The following SGCZ variants were observed in gnomAD, a reference collection of about 807,000 sequenced individuals.
SGCZ encodes zeta-sarcoglycan.
Under a neutral mutation model 41.3 loss-of-function variants are expected in SGCZ, and 40 were observed. The ratio of observed to expected loss-of-function variants is 0.97; its 90% CI spans 0.75 to 1.26. The LOEUF (loss-of-function observed/expected upper bound fraction) is 1.26, where lower values mean the gene tolerates loss of function less well. Ranked by LOEUF, SGCZ falls within the 50% of genes most tolerant of loss-of-function variation. The pLI, the probability that SGCZ is intolerant of heterozygous loss-of-function variation, is 0.00. For missense variants in SGCZ, 552 were observed against 369.8 expected, an observed-to-expected ratio of 1.49 and a Z score of -4.04; for synonymous variants, 206 against 137.5, an observed-to-expected ratio of 1.50 and a Z score of -3.49.
At chr8:14,827,194 G>C (rs1175081786) in intron 1 of SGCZ, among the ~76,000 whole-genome samples, 1 of 149,828 alleles carries the variant, frequency 6.7e-6, no homozygotes, top group African/African-American at 2.4e-5. Flanking sequence ...AATGTGCCAA[G>C]GATTGTTAAG....
At chr8:14,705,869 G>A (rs1018964098) in intron 1 of SGCZ, among the ~76,000 whole-genome samples, 1 of 151,944 alleles carries the variant, frequency 6.6e-6, no homozygotes, top group Non-Finnish European at 1.5e-5. Flanking sequence ...TTCTGAACAC[G>A]AATCACTATA....
intron 3 of SGCZ, among the ~76,000 whole-genome samples, chr8:14,302,890 T>C (rs1199638904): frequency 6.6e-6 from 1 of 152,158 alleles, no homozygotes; most frequent in African/African-American, 2.4e-5. Context: ...CAGGAAGCAA[T>C]ATCTGAATTT....
In SGCZ at chr8:14,442,965, C is replaced by G. The variant is rs545231135; in HGVS notation, c.234+111767G>C. ...CTGATAAGCAACTTCAGCAAAGTCT[C>G]AGGATACAAAATCAATGTACAAAAA... On this transcript the variant is annotated intron_variant, in intron 2 of 7. Transcript: ENST00000382080. Among the ~76,000 whole-genome samples the G allele has an allele frequency of 1.4e-3, 208 of 152,266 alleles. 1 individual carries two copies. Among genetic ancestry groups the G allele is most frequent in the Middle Eastern group, 0.01 (3 of 294 alleles).
chr8:14,720,562 G>C (rs563160277), intron 1 of SGCZ, among the ~76,000 whole-genome samples: 4 of 152,124 alleles, frequency 2.6e-5, no homozygotes, highest in South Asian at 4.2e-4. Flanking sequence ...GGTCATCTGA[G>C]TTATTCTTAT....
intron 2 of SGCZ, among the ~76,000 whole-genome samples, chr8:14,343,151 G>T (rs549028547): frequency 6.6e-6 from 1 of 152,236 alleles, no homozygotes; most frequent in Non-Finnish European, 1.5e-5. Context: ...GAAGATGTAT[G>T]GAAACACTTG....
intron 1 of SGCZ, among the ~76,000 whole-genome samples, chr8:15,007,409 C>A (rs1802643949): frequency 6.6e-6 from 1 of 152,172 alleles, no homozygotes; most frequent in Non-Finnish European, 1.5e-5. Context: ...CATTGTAGTT[C>A]TCTAAAACTC....
intron 3 of SGCZ, among the ~76,000 whole-genome samples, chr8:14,245,105 C>T (rs1799038093): frequency 6.6e-6 from 1 of 152,140 alleles, no homozygotes; most frequent in Admixed American, 6.5e-5. Context: ...TGCCTAATTG[C>T]CCTGGCCAGA....
intron 1 of SGCZ, among the ~76,000 whole-genome samples, chr8:14,610,561 T>C (rs1805894843): frequency 6.6e-6 from 1 of 152,154 alleles, no homozygotes; most frequent in Admixed American, 6.5e-5. Flanking sequence ...ATGTATGTGC[T>C]TTTCTCCTAT....
intron 4 of SGCZ, among the ~76,000 whole-genome samples, chr8:14,167,990 A>G (rs1804259324): frequency 6.6e-6 from 1 of 152,192 alleles, no homozygotes; most frequent in African/African-American, 2.4e-5. Flanking sequence ...TCTTGGTACT[A>G]TTTAGCAGTA....
At chr8:14,826,382 C>T (rs540080085) in intron 1 of SGCZ, among the ~76,000 whole-genome samples, 108 of 152,100 alleles carry the variant, frequency 7.1e-4, no homozygotes, top group African/African-American at 2.2e-3. Flanking sequence ...TGAATAGTGC[C>T]GCAATAAACA....
At chr8:14,501,258 A>G (rs1293961931) in intron 2 of SGCZ, among the ~76,000 whole-genome samples, 1 of 151,748 alleles carries the variant, frequency 6.6e-6, no homozygotes, top group Non-Finnish European at 1.5e-5. Context: ...CATTGAGTCT[A>G]CCTGAATAAT....
intron 2 of SGCZ, among the ~76,000 whole-genome samples, chr8:14,370,388 A>T (rs1803868397): frequency 6.6e-6 from 1 of 151,942 alleles, no homozygotes; most frequent in South Asian, 2.1e-4. Flanking sequence ...TATAACAACT[A>T]TTGAATATCA....
intron 1 of SGCZ, among the ~76,000 whole-genome samples, chr8:14,725,651 A>C (rs1369483444): frequency 1.3e-5 from 2 of 152,224 alleles, no homozygotes; most frequent in Non-Finnish European, 2.9e-5. Context: ...AATCACTATT[A>C]CTAACACCTA....
At chr8:15,124,431 T>G (rs1322816340) in intron 1 of SGCZ, among the ~76,000 whole-genome samples, 1 of 152,164 alleles carries the variant, frequency 6.6e-6, no homozygotes, top group Non-Finnish European at 1.5e-5. Context: ...AAAACTCTGT[T>G]CCAATTCTGA....
chr8:14,214,229 G>A (rs1179997037), intron 4 of SGCZ, among the ~76,000 whole-genome samples: 4 of 152,066 alleles, frequency 2.6e-5, no homozygotes, highest in Admixed American at 2.6e-4. Flanking sequence ...CAATCGAAGG[G>A]CAGTCTACAA....
chr8:14,462,438 G>A (rs553032137), intron 2 of SGCZ, among the ~76,000 whole-genome samples: 12 of 151,918 alleles, frequency 7.9e-5, no homozygotes, highest in East Asian at 5.8e-4. Flanking sequence ...TATCATTATC[G>A]TTTGTCTCTA....
At position 14,226,685 on chromosome 8, in the gene SGCZ, T is replaced by C. The variant is rs545936117; in HGVS notation, c.424+10907A>G. Among the ~76,000 whole-genome samples the C allele has an allele frequency of 4.7e-4, 71 of 152,254 alleles. 1 individual carries two copies. The highest frequency in any genetic ancestry group is 3.4e-3 in the Middle Eastern group (1 of 294). On this transcript the variant is annotated intron_variant, in intron 4 of 7. Transcript: ENST00000382080. ...GAATATCTATAGAAACTTTATGGTG[T>C]AAACATGTTTTTATTTAACTTGGGC...
At chr8:14,939,077 T>C (rs1010187459) in intron 1 of SGCZ, among the ~76,000 whole-genome samples, 6 of 152,226 alleles carry the variant, frequency 3.9e-5, no homozygotes, top group Admixed American at 2.6e-4. Flanking sequence ...AGCAAACTCA[T>C]TAAAGAGCTC....
At chr8:14,380,068 A>G (rs1311744184) in intron 2 of SGCZ, among the ~76,000 whole-genome samples, 1 of 152,132 alleles carries the variant, frequency 6.6e-6, no homozygotes, top group Non-Finnish European at 1.5e-5. Context: ...TGACTATATT[A>G]ATATTGCTGA....
Sources: gnomAD v4.1 joint callset for allele counts (sites outside exome capture counted in the v4.1 genomes callset) on GRCh38, gnomAD v4.1.1 for gene constraint, MANE v1.5 for transcripts, NCBI Gene and HGNC (gene_info 2026-07-23, HGNC 2026-07-21) for gene names.